The following SORCS3 variants were observed in gnomAD, a reference collection of about 807,000 sequenced individuals.
The protein encoded by SORCS3 is sortilin related VPS10 domain containing receptor 3.
SORCS3 carries 57 observed loss-of-function variants against 146.3 expected under a neutral mutation model. That is an observed-to-expected ratio of 0.39 (90% CI 0.31 to 0.49). The LOEUF is 0.49. Among genes scored for constraint, SORCS3 ranks in the 20% least tolerant of loss-of-function variants. The pLI is 0.92. For synonymous variants in SORCS3, 653 were observed against 618.5 expected (o/e 1.06, Z -0.83); for missense variants, 1,341 against 1,575.5 (o/e 0.85, Z 2.52).
At chr10:104,726,503 C>T (rs1484835281) in intron 1 of SORCS3, among the ~76,000 whole-genome samples, 2 of 152,070 alleles carry the variant, frequency 1.3e-5, no homozygotes, top group Admixed American at 6.6e-5. Context: ...GACCTAAACC[C>T]CAGGACCAAC....
intron 1 of SORCS3, among the ~76,000 whole-genome samples, chr10:104,842,131 T>C (rs185350033): frequency 3.0e-3 from 462 of 152,298 alleles, no homozygotes; most frequent in South Asian, 0.011. Context: ...AGCTTCCTTT[T>C]GGGTTACTTA....
At chr10:104,696,479 GAATATAT>G (rs779178861) in intron 1 of SORCS3, among the ~76,000 whole-genome samples, 203 of 6,950 alleles carry the variant, frequency 0.029, 19 homozygotes, top group Non-Finnish European at 0.043. Flanking sequence ...ATAGAATATA[GAATATAT>G]AATATATAAT....
chr10:104,740,338 A>T (rs1238901770), intron 1 of SORCS3, among the ~76,000 whole-genome samples: 1 of 152,228 alleles, frequency 6.6e-6, no homozygotes, highest in Non-Finnish European at 1.5e-5. Flanking sequence ...GCTTCTCAAA[A>T]GTAGGAAGTT....
chr10:105,053,612 T>C (rs1468088146), intron 5 of SORCS3, among the ~76,000 whole-genome samples: 2 of 152,060 alleles, frequency 1.3e-5, no homozygotes, highest in African/African-American at 2.4e-5. Flanking sequence ...TTTAAACATA[T>C]ATTTAAATAT....
intron 3 of SORCS3, among the ~76,000 whole-genome samples, chr10:104,975,322 A>G (rs985985909): frequency 1.3e-5 from 2 of 152,136 alleles, no homozygotes; most frequent in Non-Finnish European, 2.9e-5. Context: ...TGCTTCAAAG[A>G]GAATAAAATA....
chr10:105,202,863 C>G (rs2056582684), intron 16 of SORCS3, among the ~76,000 whole-genome samples: 1 of 152,102 alleles, frequency 6.6e-6, no homozygotes, highest in South Asian at 2.1e-4. Context: ...TTTTGGTAGC[C>G]CATCTCAGCT....
At chr10:105,157,756 T>A (rs1387042665) in intron 10 of SORCS3, among the ~76,000 whole-genome samples, 1 of 152,132 alleles carries the variant, frequency 6.6e-6, no homozygotes, top group Non-Finnish European at 1.5e-5. Context: ...GTATGGGATA[T>A]TGGGGTAGGC....
intron 5 of SORCS3, 84 bp downstream of exon 5, chr10:105,043,212 A>G (rs551069786): frequency 1.2e-5 from 14 of 1,203,282 alleles, no homozygotes; most frequent in Admixed American, 8.9e-5. Context: ...GGACAGTTGC[A>G]GTTCTTGCAG....
At chr10:105,043,895 A>G (rs1268358410) in intron 5 of SORCS3, among the ~76,000 whole-genome samples, 1 of 152,066 alleles carries the variant, frequency 6.6e-6, no homozygotes, top group Non-Finnish European at 1.5e-5. Flanking sequence ...CATGCATACT[A>G]TTTTTATCTT....
At chr10:104,694,262 G>T (rs57854600) in intron 1 of SORCS3, among the ~76,000 whole-genome samples, 4 of 151,646 alleles carry the variant, frequency 2.6e-5, no homozygotes, top group Non-Finnish European at 5.9e-5. Context: ...CCTTCTCTGA[G>T]ACAGGCCCCT....
chr10:104,727,108 A>G (rs2016644969), intron 1 of SORCS3, among the ~76,000 whole-genome samples: 1 of 152,184 alleles, frequency 6.6e-6, no homozygotes, highest in African/African-American at 2.4e-5. Flanking sequence ...GATGAGGATC[A>G]TGTCATATTC....
intron 1 of SORCS3, among the ~76,000 whole-genome samples, chr10:104,756,509 G>A (rs1044082797): frequency 6.6e-6 from 1 of 152,224 alleles, no homozygotes; most frequent in African/African-American, 2.4e-5. Flanking sequence ...AGGAAGGGCA[G>A]GCAATGCTTA....
chr10:105,057,488 C>A (rs948402332), intron 5 of SORCS3, among the ~76,000 whole-genome samples: 1 of 152,096 alleles, frequency 6.6e-6, no homozygotes, highest in African/African-American at 2.4e-5. Flanking sequence ...AAAGTCTTTG[C>A]TAAACTACCC....
chr10:104,782,989 A>AGTC (rs2133493589), intron 1 of SORCS3, among the ~76,000 whole-genome samples: 1 of 152,376 alleles, frequency 6.6e-6, no homozygotes, highest in East Asian at 1.9e-4. Context: ...TTAAAAAACA[A>AGTC]GACTAGATCC....
intron 1 of SORCS3, among the ~76,000 whole-genome samples, chr10:104,661,702 CAGAT>C (rs1028535981): frequency 2.9e-4 from 39 of 133,552 alleles, no homozygotes; most frequent in Middle Eastern, 3.7e-3. Flanking sequence ...GATAGATAGA[CAGAT>C]AGATAGATAG....
At chr10:105,015,167 T>C (rs1422026778) in intron 4 of SORCS3, among the ~76,000 whole-genome samples, 1 of 152,210 alleles carries the variant, frequency 6.6e-6, no homozygotes, top group Non-Finnish European at 1.5e-5. Context: ...AACCCTAGTA[T>C]GTCCTGGGTA....
At chr10:105,109,088 T>C (rs528059812) in intron 7 of SORCS3, among the ~76,000 whole-genome samples, 1 of 152,332 alleles carries the variant, frequency 6.6e-6, no homozygotes, top group African/African-American at 2.4e-5. Flanking sequence ...AATAGAAATT[T>C]ATATAACATA....
intron 1 of SORCS3, among the ~76,000 whole-genome samples, chr10:104,749,161 T>G (rs1032802473): frequency 1.3e-5 from 2 of 152,144 alleles, no homozygotes; most frequent in African/African-American, 4.8e-5. Context: ...GTTTTCCAAC[T>G]CTGAGGATTA....
intron 1 of SORCS3, among the ~76,000 whole-genome samples, chr10:104,806,451 C>G (rs2017680568): frequency 1.3e-5 from 2 of 152,140 alleles, no homozygotes; most frequent in Admixed American, 6.5e-5. Context: ...CATTGTAAAT[C>G]AAAACAATTG....
Sources: gnomAD v4.1 joint callset for allele counts (sites outside exome capture counted in the v4.1 genomes callset) on GRCh38, gnomAD v4.1.1 for gene constraint, MANE v1.5 for transcripts, NCBI Gene and HGNC (gene_info 2026-07-23, HGNC 2026-07-21) for gene names.